PDE1C: variants seen among roughly 807,000 people sequenced by gnomAD.
PDE1C encodes the protein phosphodiesterase 1C.
In PDE1C, 62 loss-of-function variants were observed where a neutral mutation model predicts 93.1. That is an observed-to-expected ratio of 0.67 (90% confidence interval 0.54 to 0.82). The LOEUF (loss-of-function observed/expected upper bound fraction) is 0.82. PDE1C is among the 40% of genes least tolerant of loss of function. PDE1C has a pLI of 0.00. For missense variants in PDE1C, 742 were observed against 884.6 expected (o/e 0.84, Z 2.04); for synonymous variants, 325 against 310.1 (o/e 1.05, Z -0.50).
At chr7:31,773,043 G>A (rs970780016) in intron 17 of PDE1C, among the ~76,000 whole-genome samples, 5 of 152,202 alleles carry the variant, frequency 3.3e-5, no homozygotes, top group Admixed American at 1.3e-4. Flanking sequence ...GTGAAAGCAT[G>A]ATTCCAGCTC....
At chr7:31,894,629 G>C (rs1205415899) in intron 2 of PDE1C, among the ~76,000 whole-genome samples, 3 of 152,144 alleles carry the variant, frequency 2.0e-5, no homozygotes, top group Non-Finnish European at 2.9e-5. Context: ...TCTCAGAAAA[G>C]AAATTCCATT....
At position 32,172,515 on chromosome 7, in the gene PDE1C, C is replaced by T. The variant is rs541193720; in HGVS notation, c.137-2559G>A. Among the ~76,000 whole-genome samples, 9 of 152,110 alleles carry T rather than the reference C, an allele frequency of 5.9e-5. 2 individuals are homozygous for T. The South Asian group carries it at 1.9e-3, about 32-fold the overall frequency. ...AGATACCATCTCATGCCAGTCAGAA[C>T]GGCAATTATTAAAAAGTCAAGAAGC... On this transcript the variant is annotated intron_variant, in intron 2 of 18. Transcript: ENST00000396193.
At chr7:32,416,941 C>A (rs1279911637) in intron 1 of PDE1C, among the ~76,000 whole-genome samples, 1 of 152,132 alleles carries the variant, frequency 6.6e-6, no homozygotes, top group Non-Finnish European at 1.5e-5. Flanking sequence ...GCCAGTGGGT[C>A]TACAGAGGCC....
the PDE1C span, chr7:31,707,128 T>C: frequency 2.2e-6 from 3 of 1,373,744 alleles, no homozygotes; most frequent in East Asian, 7.0e-5. Context: ...TGCTCCTTTG[T>C]ACTGTGTCTG....
At chr7:32,306,633 T>C (rs531265355) in intron 1 of PDE1C, among the ~76,000 whole-genome samples, 2 of 152,348 alleles carry the variant, frequency 1.3e-5, no homozygotes, top group African/African-American at 4.8e-5. Context: ...TGTAGTCATG[T>C]CTTTCCTTTG....
chr7:31,955,264 G>A (rs1807969164), intron 2 of PDE1C, among the ~76,000 whole-genome samples: 1 of 152,130 alleles, frequency 6.6e-6, no homozygotes, highest in African/African-American at 2.4e-5. Context: ...GGTTTGTCAC[G>A]TATGATTAAT....
chr7:31,636,133 T>C, the PDE1C span, among the ~76,000 whole-genome samples: 1 of 151,920 alleles, frequency 6.6e-6, no homozygotes, highest in Non-Finnish European at 1.5e-5. Flanking sequence ...GTCACAAGAA[T>C]AGCATGGGGG....
At chr7:31,967,136 A>T (rs537571267) in intron 2 of PDE1C, among the ~76,000 whole-genome samples, 2 of 152,338 alleles carry the variant, frequency 1.3e-5, no homozygotes, top group East Asian at 3.9e-4. Flanking sequence ...AAATAGAGAC[A>T]CAAAAAACCC....
intron 3 of PDE1C, among the ~76,000 whole-genome samples, chr7:32,130,453 A>G (rs1046858850): frequency 2.0e-5 from 3 of 151,840 alleles, no homozygotes; most frequent in Admixed American, 6.6e-5. Context: ...TTCCTGTGGT[A>G]TTCTGGAAAA....
chr7:31,834,570 C>T (rs1285853242), intron 11 of PDE1C, among the ~76,000 whole-genome samples: 1 of 152,080 alleles, frequency 6.6e-6, no homozygotes, highest in African/African-American at 2.4e-5. Flanking sequence ...ATTTGACTGC[C>T]ATGCTGGATT....
At position 31,776,881 on chromosome 7, in the gene PDE1C, G is replaced by C. The variant is rs760418961; in HGVS notation, c.1892-1149C>G. Among the ~76,000 whole-genome samples, 28 of 151,230 alleles carry C rather than the reference G, an allele frequency of 1.9e-4. 1 individual carries two copies. Among genetic ancestry groups the C allele is most frequent in the Middle Eastern group, 3.4e-3 (1 of 292 alleles). ...TCCCCACAAACTTCCCAAACTTTTA[G>C]TTAAGTCCACTTTATATGCAGAGGC... On this transcript the variant is annotated intron_variant, in intron 16 of 17. Transcript: ENST00000396191.
the PDE1C span, among the ~76,000 whole-genome samples, chr7:31,711,190 T>A: frequency 6.6e-6 from 1 of 152,154 alleles, no homozygotes; most frequent in African/African-American, 2.4e-5. Flanking sequence ...GAACAAAGAG[T>A]ATAATACAGA....
intron 1 of PDE1C, among the ~76,000 whole-genome samples, chr7:32,407,422 A>C (rs1785077803): frequency 6.6e-6 from 1 of 152,150 alleles, no homozygotes; most frequent in African/African-American, 2.4e-5. Flanking sequence ...TGAGAAGAAG[A>C]AGCATGAGCC....
chr7:32,044,425 C>A (rs113866525), intron 2 of PDE1C, among the ~76,000 whole-genome samples: 5 of 152,022 alleles, frequency 3.3e-5, no homozygotes, highest in Non-Finnish European at 7.4e-5. Context: ...CCTTAAAATC[C>A]AAGACAAGAA....
intron 9 of PDE1C, among the ~76,000 whole-genome samples, chr7:31,844,761 G>A (rs1244984196): frequency 6.6e-6 from 1 of 151,682 alleles, no homozygotes; most frequent in East Asian, 1.9e-4. Context: ...CTCCTTCTGA[G>A]ACTCAAATTG....
chr7:32,128,006 T>G (rs992173204), intron 3 of PDE1C, among the ~76,000 whole-genome samples: 2 of 151,972 alleles, frequency 1.3e-5, no homozygotes, highest in Non-Finnish European at 2.9e-5. Flanking sequence ...AATAATGTTA[T>G]ACTAATGTAG....
intron 17 of PDE1C, among the ~76,000 whole-genome samples, chr7:31,768,993 G>A (rs1315687272): frequency 6.6e-6 from 1 of 151,910 alleles, no homozygotes; most frequent in Non-Finnish European, 1.5e-5. Context: ...ATGGGGTTTT[G>A]TCACGTTGGC....
chr7:31,760,385 A>C (rs1297769833), intron 17 of PDE1C, among the ~76,000 whole-genome samples: 2 of 152,192 alleles, frequency 1.3e-5, no homozygotes, highest in Admixed American at 6.5e-5. Flanking sequence ...AATGAGAGCA[A>C]TCAAGAGAGA....
chr7:31,837,760 C>T, intron 10 of PDE1C, 110 bp downstream of exon 10: 1 of 686,162 alleles, frequency 1.5e-6, no homozygotes, highest in Admixed American at 2.3e-5. Flanking sequence ...TGCATAAGAA[C>T]ACTCTATAAA....
Sources: gnomAD v4.1 joint callset for allele counts (sites outside exome capture counted in the v4.1 genomes callset) on GRCh38, gnomAD v4.1.1 for gene constraint, MANE v1.5 for transcripts, NCBI Gene and HGNC (gene_info 2026-07-23, HGNC 2026-07-21) for gene names.